ADGRB1: variants seen among roughly 807,000 people sequenced by gnomAD.
The protein encoded by ADGRB1 is brain-specific angiogenesis inhibitor 1.
Under a neutral mutation model 175.7 loss-of-function variants are expected in ADGRB1, and 36 were observed. That is an observed-to-expected ratio of 0.20 (90% CI 0.16 to 0.27). The LOEUF is 0.27. ADGRB1 is among the 10% of genes least tolerant of loss of function. The probability of loss-of-function intolerance (pLI) is 1.00; values close to 1 mark genes in which losing one functional copy is unlikely to be tolerated. For missense variants in ADGRB1, 1,731 were observed against 2,255.3 expected (o/e 0.77, Z 4.71); for synonymous variants, 1,054 against 979.4 (o/e 1.08, Z -1.42).
Position 142,490,941 on chromosome 8 carries a change from A to C in ADGRB1, c.2675+126A>C, listed in dbSNP as rs1036759029. The C allele has an allele frequency of 2.0e-5, 25 of 1,266,590 alleles. No homozygotes were observed. In the African/African-American group the frequency reaches 3.7e-4, roughly 19 times the overall value. 78.5% of individuals were successfully genotyped at this position (1,266,590 alleles called of 1,614,324 possible). On this transcript the variant is annotated intron_variant, in intron 17 of 30. Coordinates refer to ENST00000517894, the MANE Select transcript of ADGRB1 (RefSeq NM_001702.3). ...GCCCCCCAGCTGTCTGTGTACCCGCATGGGCCTCCGTGTCACCACCTGTCA... is the reference window on the plus strand; with the variant it reads ...GCCCCCCAGCTGTCTGTGTACCCGCCTGGGCCTCCGTGTCACCACCTGTCA...
intron 9 of ADGRB1, 59 bp downstream of exon 9, chr8:142,479,853 C>T (rs1841235305): frequency 2.0e-6 from 3 of 1,505,870 alleles, no homozygotes; most frequent in Non-Finnish European, 2.7e-6. Context: ...ACGGTGATGC[C>T]CACGCTGAGG....
chr8:142,486,163 T>A (rs1450066281), intron 13 of ADGRB1, among the ~76,000 whole-genome samples: 1 of 152,140 alleles, frequency 6.6e-6, no homozygotes, highest in Non-Finnish European at 1.5e-5. Context: ...TCAGCCTCAC[T>A]CACTCCCAGG....
At chr8:142,499,453 G>A (rs1045203483) in intron 17 of ADGRB1, among the ~76,000 whole-genome samples, 20 of 152,244 alleles carry the variant, frequency 1.3e-4, no homozygotes, top group African/African-American at 1.9e-4. Flanking sequence ...CTTGGGGTAC[G>A]GCCACCCGCG....
At position 142,478,119 on chromosome 8, in the gene ADGRB1, C is replaced by A. The variant is rs1487436875; in HGVS notation, c.1388-68C>A. On this transcript the variant is annotated intron_variant, in intron 6 of 30. Transcript: ENST00000517894. ...GTGGTAGCACCCAGGGTGCTCACAC[C>A]CACATTCCAAGCCAGGCATTGGGGT... 3.2e-6 allele frequency: 5 copies of A among 1,548,816 alleles called. No individual in the cohort carries two copies. In the Admixed American group the frequency reaches 9.8e-5, roughly 30 times the overall value.
chr8:142,467,675 C>T (rs1440599004), intron 2 of ADGRB1, among the ~76,000 whole-genome samples: 4 of 152,292 alleles, frequency 2.6e-5, no homozygotes, highest in Admixed American at 6.5e-5. Context: ...TTGAAAATAG[C>T]TTCTGAGCCA....
intron 27 of ADGRB1, 146 bp from the exon 28 acceptor site, chr8:142,541,795 C>T (rs527918175): frequency 2.9e-5 from 25 of 868,742 alleles, no homozygotes; most frequent in East Asian, 1.3e-4. Flanking sequence ...GTTGGCCCTC[C>T]GATCGGTACC....
chr8:142,541,275 CG>C (rs922721174), intron 27 of ADGRB1, among the ~76,000 whole-genome samples: 2 of 151,992 alleles, frequency 1.3e-5, no homozygotes, highest in South Asian at 2.1e-4. Flanking sequence ...GGCAGGAAGT[CG>C]GGGGCAAACT....
intron 2 of ADGRB1, among the ~76,000 whole-genome samples, chr8:142,470,268 G>T (rs1297502238): frequency 6.6e-6 from 1 of 152,158 alleles, no homozygotes; most frequent in Non-Finnish European, 1.5e-5. Flanking sequence ...TAGGGTGAGT[G>T]GGGCCGTTTC....
chr8:142,496,447 A>G (rs763858494), intron 17 of ADGRB1, among the ~76,000 whole-genome samples: 3 of 152,000 alleles, frequency 2.0e-5, no homozygotes, highest in Admixed American at 2.0e-4. Context: ...TGAGTGGATG[A>G]GTGAATGATG....
chr8:142,524,261 G>T lies in ADGRB1; in HGVS notation c.3269G>T (p.Gly1090Val), dbSNP rs1255207425. The T allele has an allele frequency of 1.9e-6, 3 of 1,600,602 alleles. No homozygotes were observed. Among genetic ancestry groups the T allele is most frequent in the East Asian group, 2.2e-5 (1 of 44,820 alleles). ...MNYCWLSLEG[G>V]LLYAFVGPAA... is the part of the protein sequence containing the mutation. ...AGCTGCTGGCTCTCCCTGGAGGGGG[G>T]ACTGCTCTATGCCTTCGTGGGACCT... Residue 1090 changes from glycine to valine, a missense_variant, in exon 23 of 31, where the codon GGA becomes GTA. This residue lies in a region of ADGRB1 where 301 missense variants were observed against 488.4 expected (regional missense o/e 0.62). Coordinates refer to ENST00000517894, the MANE Select transcript of ADGRB1 (RefSeq NM_001702.3).
At position 142,543,606 on chromosome 8, in the gene ADGRB1, C is replaced by T; in HGVS notation, c.4455C>T (p.Ile1485=). The T allele has an allele frequency of 6.4e-7, 1 of 1,571,250 alleles. No individual in the cohort carries two copies. The highest frequency in any genetic ancestry group is 1.2e-5 in the South Asian group (1 of 85,896). Residue 1485 remains isoleucine, a synonymous_variant, in exon 30 of 31, where the codon ATC becomes ATT. Coordinates refer to ENST00000517894, the MANE Select transcript of ADGRB1 (RefSeq NM_001702.3). The surrounding 1 kb of genome is among the most constrained non-coding windows in gnomAD (Gnocchi z 4.4). ...SRYAELDFEK[I]MHTRKRHQDM... is the part of the protein sequence containing the mutation. ...TGCCCAGACCCCGCCTGCAGAAGAT[C>T]ATGCACACCCGGAAGCGGCACCAAG...
intron 7 of ADGRB1, chr8:142,479,000 G>A (rs1346919664): frequency 9.3e-6 from 3 of 322,324 alleles, no homozygotes; most frequent in Non-Finnish European, 1.7e-5. Flanking sequence ...GAGTAGCGGG[G>A]TGCACAGTGG....
At chr8:142,512,759 G>A (rs1411968340) in intron 18 of ADGRB1, among the ~76,000 whole-genome samples, 4 of 152,334 alleles carry the variant, frequency 2.6e-5, no homozygotes, top group African/African-American at 4.8e-5. Flanking sequence ...GTCCCCAGGC[G>A]GTGGCATACC....
intron 10 of ADGRB1, 22 bp from the exon 11 acceptor site, chr8:142,481,495 C>T (rs749442382): frequency 1.3e-6 from 2 of 1,571,114 alleles, no homozygotes; most frequent in Non-Finnish European, 1.7e-6. Flanking sequence ...GTGAAGGCAC[C>T]CGCCCTCTCT....
At position 142,543,960 on chromosome 8, in the gene ADGRB1, A is replaced by G. The variant is rs1001602758; in HGVS notation, c.4557+252A>G. Among the ~76,000 whole-genome samples the G allele has an allele frequency of 6.6e-6, 1 of 152,052 alleles. No homozygotes were observed. Among genetic ancestry groups the G allele is most frequent in the Admixed American group, 6.5e-5 (1 of 15,282 alleles). On this transcript the variant is annotated intron_variant, in intron 30 of 30. Transcript: ENST00000517894. This position sits in a 1 kb window ranked among gnomAD's most constrained non-coding sequence, Gnocchi z 4.4. ...CAGGGGTCTGGATTGGGGTGGAGCC[A>G]ATCCAGGGCAGGGTCCCCACAGCCT...
At chr8:142,500,216 C>A (rs1459380781) in intron 17 of ADGRB1, among the ~76,000 whole-genome samples, 8 of 148,042 alleles carry the variant, frequency 5.4e-5, no homozygotes, top group Non-Finnish European at 7.5e-5. Flanking sequence ...TCCTCCACTT[C>A]CCCCCGCGCC....
intron 16 of ADGRB1, 149 bp downstream of exon 16, chr8:142,489,587 A>G: frequency 2.2e-6 from 2 of 918,318 alleles, no homozygotes; most frequent in Non-Finnish European, 1.7e-6. Flanking sequence ...ACAGGTGGGG[A>G]AACAGGCTCA....
At chr8:142,494,083 G>A (rs1253664828) in intron 17 of ADGRB1, among the ~76,000 whole-genome samples, 1 of 152,176 alleles carries the variant, frequency 6.6e-6, no homozygotes, top group Non-Finnish European at 1.5e-5. Flanking sequence ...GGAGCACAGT[G>A]GTTTGTGGCG....
chr8:142,497,385 G>T (rs972515884), intron 17 of ADGRB1, among the ~76,000 whole-genome samples: 6 of 152,190 alleles, frequency 3.9e-5, no homozygotes, highest in Admixed American at 6.5e-5. Context: ...AGGCCAAGGG[G>T]GGGGAAGCGG....
Sources: allele counts gnomAD v4.1 joint callset (sites outside exome capture counted in the v4.1 genomes callset), GRCh38; gene constraint gnomAD v4.1.1; regional missense constraint gnomAD v4.1.1; non-coding constraint Gnocchi (gnomAD v3.1); transcripts MANE v1.5; gene names NCBI Gene and HGNC (gene_info 2026-07-23, HGNC 2026-07-21).